The following NIBAN1 variants were observed in gnomAD, a reference collection of about 807,000 sequenced individuals.
NIBAN1 encodes the protein niban apoptosis regulator 1.
Under a neutral mutation model 75.1 loss-of-function variants are expected in NIBAN1, and 81 were observed. The ratio of observed to expected loss-of-function variants is 1.08; its 90% CI spans 0.90 to 1.30. NIBAN1 has a LOEUF of 1.30. NIBAN1 is among the 50% of genes most tolerant of loss of function. The probability of loss-of-function intolerance (pLI) is 0.00; values close to 1 mark genes in which losing one functional copy is unlikely to be tolerated. For synonymous variants in NIBAN1, 436 were observed against 424.8 expected, an observed-to-expected ratio of 1.03 and a Z score of -0.32; for missense variants, 1,133 against 1,128.1, an observed-to-expected ratio of 1.00 and a Z score of -0.06.
chr1:184,803,617 C>G lies in NIBAN1; in HGVS notation c.1522G>C (p.Val508Leu). ...CATGTGGACGCCAGTGCCTTCTGCA[C>G]AGTGGGAAGTGTGATTTGAACTAGT... Reference protein sequence around the residue: ...EALVQITLPTVQKALASTCKP... With the variant: ...EALVQITLPTLQKALASTCKP... Residue 508 changes from valine (V) to leucine (L), a missense_variant, in exon 12 of 14, where the codon GTG becomes CTG. Physicochemically the swap from Val to Leu is conservative, Grantham distance 32. Coordinates refer to ENST00000367511, the MANE Select transcript of NIBAN1 (RefSeq NM_052966.4). 1 of 1,614,186 alleles carries G rather than the reference C, an allele frequency of 6.2e-7. No homozygotes were observed. The highest frequency in any genetic ancestry group is 8.5e-7 in the Non-Finnish European group (1 of 1,180,014).
chr1:184,968,715 A>C (rs1658861974), intron 1 of NIBAN1, among the ~76,000 whole-genome samples: 1 of 152,246 alleles, frequency 6.6e-6, no homozygotes, highest in Non-Finnish European at 1.5e-5. Flanking sequence ...CGTAAAAAGA[A>C]GATAACTGTA....
At chr1:184,901,056 C>T (rs1040650386) in intron 1 of NIBAN1, among the ~76,000 whole-genome samples, 4 of 152,136 alleles carry the variant, frequency 2.6e-5, no homozygotes, top group Admixed American at 6.5e-5. Flanking sequence ...AGCCTTGAAT[C>T]CATAGCAACC....
chr1:184,958,220 T>C (rs1658538389), intron 1 of NIBAN1, among the ~76,000 whole-genome samples: 1 of 151,706 alleles, frequency 6.6e-6, no homozygotes, highest in Non-Finnish European at 1.5e-5. Flanking sequence ...TACAAAACAA[T>C]AAAAAATAGC....
chr1:184,899,729 C>T (rs1026513336), intron 1 of NIBAN1, among the ~76,000 whole-genome samples: 7 of 151,816 alleles, frequency 4.6e-5, no homozygotes, highest in South Asian at 2.1e-4. Flanking sequence ...TTATTCTCCT[C>T]GACCTCCAGT....
chr1:184,839,209 G>A (rs973073476), intron 5 of NIBAN1, among the ~76,000 whole-genome samples: 1 of 152,066 alleles, frequency 6.6e-6, no homozygotes, highest in South Asian at 2.1e-4. Flanking sequence ...AGGCTAAATA[G>A]TTTCTTTAAG....
chr1:184,913,701 T>C (rs1020669313), intron 1 of NIBAN1, among the ~76,000 whole-genome samples: 2 of 152,198 alleles, frequency 1.3e-5, no homozygotes, highest in African/African-American at 4.8e-5. Flanking sequence ...ATAAAAGTAC[T>C]CCAGAATCCA....
rs1655578551 is a variant in NIBAN1 at position 184,852,852 on chromosome 1, G to A, written c.602-20890C>T. 3.3e-5 allele frequency among the ~76,000 whole-genome samples: 5 copies of A among 152,064 alleles called. No homozygotes were observed. The South Asian group carries it at 8.3e-4, about 25-fold the overall frequency. On this transcript the variant is annotated intron_variant, in intron 5 of 13. Coordinates refer to ENST00000367511, the MANE Select transcript of NIBAN1 (RefSeq NM_052966.4). ...CAGAAAGGCATCAATGTGGCTACTG[G>A]AAGATATTAAATGGCATGTGTCTTT... is the stretch of plus-strand genomic sequence containing the variant.
chr1:184,957,536 T>C (rs1658520664), intron 1 of NIBAN1, among the ~76,000 whole-genome samples: 1 of 152,222 alleles, frequency 6.6e-6, no homozygotes, highest in Non-Finnish European at 1.5e-5. Context: ...GGCTAGGTAT[T>C]ATTCAGCAGT....
At chr1:184,845,723 T>G (rs1302834398) in intron 5 of NIBAN1, among the ~76,000 whole-genome samples, 1 of 82,764 alleles carries the variant, frequency 1.2e-5, no homozygotes, top group African/African-American at 5.8e-5. Context: ...CGGGTTCATC[T>G]CACTAGGGAG....
intron 1 of NIBAN1, among the ~76,000 whole-genome samples, chr1:184,900,268 C>G (rs530525427): frequency 1.3e-5 from 2 of 152,068 alleles, no homozygotes; most frequent in African/African-American, 4.8e-5. Context: ...ATAACCACCA[C>G]GAGACAGAGG....
At chr1:184,824,306 G>C (rs981146020) in intron 6 of NIBAN1, among the ~76,000 whole-genome samples, 1 of 152,150 alleles carries the variant, frequency 6.6e-6, no homozygotes, top group African/African-American at 2.4e-5. Context: ...TGAGAATGAC[G>C]TCTAGACCGA....
At chr1:184,945,112 T>C (rs1476871905) in intron 1 of NIBAN1, among the ~76,000 whole-genome samples, 1 of 152,228 alleles carries the variant, frequency 6.6e-6, no homozygotes, top group Non-Finnish European at 1.5e-5. Context: ...GAAACAGTTA[T>C]GATGGGAAAC....
intron 8 of NIBAN1, among the ~76,000 whole-genome samples, chr1:184,821,943 C>G (rs758601389): frequency 2.0e-5 from 3 of 152,060 alleles, no homozygotes; most frequent in Non-Finnish European, 4.4e-5. Context: ...TGCTAAGAAC[C>G]CTGAAGCAAG....
intron 4 of NIBAN1, among the ~76,000 whole-genome samples, chr1:184,889,442 C>CA (rs1553224836): frequency 2.0e-5 from 3 of 148,876 alleles, no homozygotes; most frequent in Non-Finnish European, 3.0e-5. Flanking sequence ...TAATGCAATG[C>CA]TTTTTTTTTT....
chr1:184,973,204 C>T (rs1658982624), intron 1 of NIBAN1, among the ~76,000 whole-genome samples: 1 of 152,178 alleles, frequency 6.6e-6, no homozygotes, highest in Non-Finnish European at 1.5e-5. Flanking sequence ...GATCTTTTAC[C>T]TCCAAAAGCA....
chr1:184,965,447 C>G (rs997627441), intron 1 of NIBAN1, among the ~76,000 whole-genome samples: 8 of 152,164 alleles, frequency 5.3e-5, no homozygotes, highest in African/African-American at 1.4e-4. Context: ...ATCTTTGCTA[C>G]TGTGAATAGT....
intron 12 of NIBAN1, among the ~76,000 whole-genome samples, chr1:184,802,093 T>A (rs1169990512): frequency 3.3e-5 from 5 of 152,212 alleles, no homozygotes; most frequent in Non-Finnish European, 7.3e-5. Context: ...GGAAATGCAC[T>A]TTAGCAAAAT....
intron 3 of NIBAN1, among the ~76,000 whole-genome samples, chr1:184,891,301 G>T (rs1213870145): frequency 6.6e-6 from 1 of 152,088 alleles, no homozygotes; most frequent in East Asian, 1.9e-4. Flanking sequence ...GATTAACCCA[G>T]GAAGGAGGAT....
chr1:184,879,291 A>G (rs915851869), intron 5 of NIBAN1, among the ~76,000 whole-genome samples: 1 of 152,180 alleles, frequency 6.6e-6, no homozygotes, highest in Admixed American at 6.6e-5. Flanking sequence ...TTCCTTATCT[A>G]TCTCTAAACA....
Sources: gnomAD v4.1 joint callset for allele counts (sites outside exome capture counted in the v4.1 genomes callset) on GRCh38, gnomAD v4.1.1 for gene constraint, MANE v1.5 for transcripts, NCBI Gene and HGNC (gene_info 2026-07-23, HGNC 2026-07-21) for gene names.